Variants in TTC39B observed in about 807,000 individuals in gnomAD.
TTC39B encodes the protein tetratricopeptide repeat protein 39B.
In TTC39B, 92 loss-of-function variants were observed where a neutral mutation model predicts 96.6. The ratio of observed to expected loss-of-function variants is 0.95; its 90% confidence interval spans 0.80 to 1.13. The LOEUF (loss-of-function observed/expected upper bound fraction) is 1.13, where lower values mean the gene tolerates loss of function less well. TTC39B is among the 50% of genes most tolerant of loss of function. TTC39B has a pLI of 0.00. For synonymous variants in TTC39B, 367 were observed against 299.4 expected (o/e 1.23, Z -2.33); for missense variants, 955 against 809.3 (o/e 1.18, Z -2.18).
At chr9:15,190,690 A>G (rs1163501207) in intron 10 of TTC39B, 28 bp from the exon 11 acceptor site, 5 of 1,563,500 alleles carry the variant, frequency 3.2e-6, no homozygotes, top group Non-Finnish European at 4.4e-6. Flanking sequence ...ATTTTTAGAA[A>G]GAGAACAAGA....
At chr9:15,289,910 A>G (rs1446758153) in intron 1 of TTC39B, among the ~76,000 whole-genome samples, 1 of 152,140 alleles carries the variant, frequency 6.6e-6, no homozygotes, top group Non-Finnish European at 1.5e-5. Context: ...TGTGGGCAGG[A>G]GTAATTCATA....
intron 2 of TTC39B, among the ~76,000 whole-genome samples, chr9:15,264,555 T>G (rs1312331075): frequency 6.6e-6 from 1 of 150,390 alleles, no homozygotes; most frequent in Non-Finnish European, 1.5e-5. Flanking sequence ...CTTGGAAGGC[T>G]GAGGCAGGAG....
At chr9:15,201,493 T>A (rs1311320472) in intron 7 of TTC39B, among the ~76,000 whole-genome samples, 2 of 152,148 alleles carry the variant, frequency 1.3e-5, no homozygotes. Context: ...GAAGCATTGG[T>A]GCTTTAAGCA....
At chr9:15,261,624 C>G (rs1374166417) in intron 2 of TTC39B, among the ~76,000 whole-genome samples, 1 of 152,108 alleles carries the variant, frequency 6.6e-6, no homozygotes, top group Non-Finnish European at 1.5e-5. Flanking sequence ...TGTGCTCTGG[C>G]CACTGTCCTC....
chr9:15,214,315 A>AGTGT (rs199807096), intron 3 of TTC39B, 66 bp from the exon 4 acceptor site: 25,313 of 725,684 alleles, frequency 0.035, 560 homozygotes, highest in African/African-American at 0.093. Flanking sequence ...GTCCGAAGGG[A>AGTGT]GTGTGTGTGT....
chr9:15,188,720 C>T (rs1278937349), intron 13 of TTC39B, among the ~76,000 whole-genome samples: 1 of 125,662 alleles, frequency 8.0e-6, no homozygotes, highest in Non-Finnish European at 1.6e-5. Flanking sequence ...CAGCAAAGAG[C>T]ATTGGAAAAA....
At chr9:15,272,360 G>A (rs1010360029) in intron 1 of TTC39B, among the ~76,000 whole-genome samples, 2 of 152,162 alleles carry the variant, frequency 1.3e-5, no homozygotes, top group Admixed American at 6.5e-5. Context: ...CCCCAGTACT[G>A]GTGGGCTCAC....
In TTC39B at chr9:15,299,228, T is replaced by C. The variant is rs554823772; in HGVS notation, c.240+7856A>G. On this transcript the variant is annotated intron_variant, in intron 1 of 19. Coordinates refer to ENST00000512701, the Ensembl canonical transcript of TTC39B. ...TAGTTACCTTCAGATCCAACAAACA[T>C]ACAATGTATCATTTCACCAAAATAT... Among the ~76,000 whole-genome samples the C allele has an allele frequency of 1.3e-4, 20 of 152,304 alleles. No homozygotes were observed. In the South Asian group the frequency reaches 3.7e-3, roughly 28 times the overall value.
rs34040951 is a variant in TTC39B, at chr9:15,254,872, C to CT, written c.275+13041dup. On this transcript the variant is annotated intron_variant, in intron 2 of 19. Coordinates refer to ENST00000512701, the Ensembl canonical transcript of TTC39B. ...ACACACACACACACAAACACACACACTTTTTTTTTTTTTTTGCTGCATAAA... is the reference window on the plus strand; with the variant it reads ...ACACACACACACACAAACACACACACTTTTTTTTTTTTTTTTGCTGCATAAA... 7.7e-3 allele frequency among the ~76,000 whole-genome samples: 1,097 copies of CT among 142,084 alleles called. 11 individuals are homozygous for CT. The highest frequency in any genetic ancestry group is 0.011 in the Non-Finnish European group (684 of 64,410). The allele number at this position is 142,084 out of a possible 152,430, so 93.2% of individuals were successfully genotyped here. A position where few individuals can be genotyped will look rare whatever the true frequency, so the allele number is the denominator to read the frequency against.
At chr9:15,183,379 T>G (rs749103027) in intron 16 of TTC39B, 8 of 433,126 alleles carry the variant, frequency 1.8e-5, no homozygotes, top group African/African-American at 1.7e-4. Context: ...AAATTCCTTT[T>G]ATTGATAAAA....
At chr9:15,221,145 T>C (rs78800563) in intron 3 of TTC39B, among the ~76,000 whole-genome samples, 1 of 152,268 alleles carries the variant, frequency 6.6e-6, no homozygotes, top group East Asian at 1.9e-4. Context: ...AGATACCCCG[T>C]TTCACAACAC....
chr9:15,274,210 C>G (rs1823457793), intron 1 of TTC39B, among the ~76,000 whole-genome samples: 1 of 152,162 alleles, frequency 6.6e-6, no homozygotes, highest in African/African-American at 2.4e-5. Context: ...GTGCAAAATT[C>G]ATTTTAAAAA....
chr9:15,285,833 G>C (rs1370637003), intron 1 of TTC39B, among the ~76,000 whole-genome samples: 3 of 152,054 alleles, frequency 2.0e-5, no homozygotes, highest in South Asian at 2.1e-4. Context: ...CCAGCCCAGG[G>C]GACAGAACGA....
chr9:15,179,252 C>T (rs1399336284), intron 17 of TTC39B, among the ~76,000 whole-genome samples: 2 of 152,166 alleles, frequency 1.3e-5, no homozygotes, highest in African/African-American at 4.8e-5. Flanking sequence ...TTACACATTT[C>T]AGGCTGTGAC....
chr9:15,190,726 T>C, intron 10 of TTC39B, 64 bp from the exon 11 acceptor site: 1 of 1,303,586 alleles, frequency 7.7e-7, no homozygotes, highest in Non-Finnish European at 1.1e-6. Flanking sequence ...CAGAAACTTT[T>C]TAAACATTTT....
rs370985585 is a variant in TTC39B, at chr9:15,251,089, G to A, written c.275+16825C>T. Among the ~76,000 whole-genome samples, 168 of 152,144 alleles carry A rather than the reference G, an allele frequency of 1.1e-3. 1 individual carries two copies. The highest frequency in any genetic ancestry group is 3.1e-3 in the African/African-American group (127 of 41,500). Reference sequence around the variant, plus strand: ...CTCACGCCTGTAGTCCCAGCTACTCGGGAGGCTGAGGCAGAAGAATCGCTT... The same window carrying A: ...CTCACGCCTGTAGTCCCAGCTACTCAGGAGGCTGAGGCAGAAGAATCGCTT... On this transcript the variant is annotated intron_variant, in intron 2 of 19. Coordinates refer to ENST00000512701, the Ensembl canonical transcript of TTC39B.
chr9:15,276,253 G>A (rs987072410), intron 1 of TTC39B, among the ~76,000 whole-genome samples: 1 of 152,202 alleles, frequency 6.6e-6, no homozygotes, highest in African/African-American at 2.4e-5. Flanking sequence ...ACTTCAGCAT[G>A]GGAGGGCCAG....
intron 2 of TTC39B, among the ~76,000 whole-genome samples, chr9:15,257,823 T>C (rs1023624507): frequency 2.7e-5 from 4 of 150,918 alleles, no homozygotes; most frequent in Non-Finnish European, 5.9e-5. Flanking sequence ...ACTTTGGGAG[T>C]CCGAGGTGGG....
At chr9:15,247,844 GA>G in intron 2 of TTC39B, among the ~76,000 whole-genome samples, 1 of 139,098 alleles carries the variant, frequency 7.2e-6, no homozygotes, top group Non-Finnish European at 1.5e-5. Flanking sequence ...AAAAGAAGAA[GA>G]AAAAGGAAAA....
Sources: gnomAD v4.1 joint callset for allele counts (sites outside exome capture counted in the v4.1 genomes callset) on GRCh38, gnomAD v4.1.1 for gene constraint, MANE v1.5 for transcripts, NCBI Gene and HGNC (gene_info 2026-07-23, HGNC 2026-07-21) for gene names.